CTTNBP2: variants seen among roughly 807,000 people sequenced by gnomAD.
CTTNBP2 encodes cortactin-binding protein 2.
Under a neutral mutation model 156.9 loss-of-function variants are expected in CTTNBP2, and 108 were observed. The ratio of observed to expected loss-of-function variants is 0.69; its 90% confidence interval spans 0.59 to 0.81. The LOEUF is 0.81. Among genes scored for constraint, CTTNBP2 ranks in the 30% least tolerant of loss-of-function variants. The pLI, the probability that CTTNBP2 is intolerant of heterozygous loss-of-function variation, is 0.00. For synonymous variants in CTTNBP2, 767 were observed against 751.8 expected (o/e 1.02, Z -0.33); for missense variants, 1,924 against 2,035.4 (o/e 0.95, Z 1.05).
At chr7:117,712,024 T>C (rs1196752866) in intron 22 of CTTNBP2, among the ~76,000 whole-genome samples, 2 of 152,190 alleles carry the variant, frequency 1.3e-5, no homozygotes, top group Admixed American at 6.5e-5. Context: ...GTGAATCAAG[T>C]GCTAAGGCGT....
intron 2 of CTTNBP2, among the ~76,000 whole-genome samples, chr7:117,840,062 T>C (rs1802181783): frequency 6.6e-6 from 1 of 152,198 alleles, no homozygotes. Context: ...TACATATACA[T>C]ACATGCACAC....
At chr7:117,872,762 G>T (rs971202830) in intron 1 of CTTNBP2, among the ~76,000 whole-genome samples, 4 of 152,104 alleles carry the variant, frequency 2.6e-5, no homozygotes, top group African/African-American at 4.8e-5. Context: ...TGGCCTCAGC[G>T]GCAGCAGCGC....
chr7:117,712,053 A>G (rs1215857557), intron 22 of CTTNBP2, among the ~76,000 whole-genome samples: 1 of 152,194 alleles, frequency 6.6e-6, no homozygotes, highest in Non-Finnish European at 1.5e-5. Context: ...TTACCAACAG[A>G]AACTTCACAA....
intron 1 of CTTNBP2, 40 bp from the exon 2 acceptor site, chr7:117,861,356 C>T (rs1350895745): frequency 7.1e-7 from 1 of 1,412,642 alleles, no homozygotes; most frequent in South Asian, 1.2e-5. Context: ...AAAATCTTTT[C>T]CTAAGGAAGA....
intron 16 of CTTNBP2, among the ~76,000 whole-genome samples, chr7:117,730,268 A>G (rs1375187220): frequency 6.6e-6 from 1 of 152,138 alleles, no homozygotes; most frequent in Non-Finnish European, 1.5e-5. Context: ...AAATCCTTCA[A>G]TGTGACCACA....
intron 22 of CTTNBP2, among the ~76,000 whole-genome samples, chr7:117,713,074 G>A (rs192856697): frequency 1.3e-5 from 2 of 152,266 alleles, no homozygotes; most frequent in East Asian, 3.9e-4. Flanking sequence ...GTGCAAGTGA[G>A]GGGTCTAGGT....
chr7:117,811,889 GTAAAA>G (rs1800312811), intron 2 of CTTNBP2, among the ~76,000 whole-genome samples: 1 of 124,270 alleles, frequency 8.0e-6, no homozygotes, highest in African/African-American at 3.6e-5. Context: ...AAATTTTAAT[GTAAAA>G]ATTTTAATTA....
At chr7:117,796,466 TCAGAGA>T (rs1290761649) in intron 3 of CTTNBP2, among the ~76,000 whole-genome samples, 24 of 152,292 alleles carry the variant, frequency 1.6e-4, no homozygotes, top group African/African-American at 4.6e-4. Flanking sequence ...CCATTTCAGC[TCAGAGA>T]CAAATTATGT....
At chr7:117,836,007 C>T (rs1801912426) in intron 2 of CTTNBP2, among the ~76,000 whole-genome samples, 1 of 152,128 alleles carries the variant, frequency 6.6e-6, no homozygotes, top group Non-Finnish European at 1.5e-5. Flanking sequence ...GGCCATGTTG[C>T]CTGACACAAG....
chr7:117,735,218 T>C, intron 15 of CTTNBP2, 51 bp downstream of exon 15: 1 of 1,597,504 alleles, frequency 6.3e-7, no homozygotes, highest in South Asian at 1.1e-5. Context: ...ACAGAAAGAT[T>C]AGAATATTAC....
rs911160575 is a variant in CTTNBP2, at chr7:117,826,994, G to T, written c.190-16005C>A. Among the ~76,000 whole-genome samples the T allele has an allele frequency of 3.3e-5, 5 of 151,886 alleles. No individual in the cohort carries two copies. The South Asian group carries it at 1.0e-3, about 32-fold the overall frequency. ...CTCCTGCCTCAGCCTCAGTAACTGG[G>T]ATTGCAGGAGCATGCCACTGCACCC... On this transcript the variant is annotated intron_variant, in intron 2 of 22. Transcript: ENST00000160373.
intron 2 of CTTNBP2, among the ~76,000 whole-genome samples, chr7:117,845,836 T>C (rs190275717): frequency 5.9e-5 from 9 of 152,234 alleles, no homozygotes; most frequent in Non-Finnish European, 1.2e-4. Flanking sequence ...GCTACCTGTG[T>C]GGTTTCTGTT....
intron 4 of CTTNBP2, among the ~76,000 whole-genome samples, chr7:117,788,853 A>T (rs1173342449): frequency 6.6e-6 from 1 of 152,226 alleles, no homozygotes; most frequent in Non-Finnish European, 1.5e-5. Context: ...AATGACATAG[A>T]AACTGGTTAT....
At chr7:117,805,232 A>G (rs1227127578) in intron 3 of CTTNBP2, among the ~76,000 whole-genome samples, 1 of 152,162 alleles carries the variant, frequency 6.6e-6, no homozygotes, top group Non-Finnish European at 1.5e-5. Flanking sequence ...TGTGTCTCTC[A>G]ATCTTAAATG....
At chr7:117,813,140 AC>A (rs1490043230) in intron 2 of CTTNBP2, among the ~76,000 whole-genome samples, 3 of 152,120 alleles carry the variant, frequency 2.0e-5, no homozygotes, top group Non-Finnish European at 4.4e-5. Context: ...AGCTTTACCA[AC>A]CCAGTGTGAA....
chr7:117,861,162 A>T, intron 2 of CTTNBP2, 47 bp downstream of exon 2: 1 of 1,215,878 alleles, frequency 8.2e-7, no homozygotes, highest in Non-Finnish European at 1.2e-6. Context: ...GCTCTTTGAA[A>T]AAAGCAAATG....
chr7:117,861,367 C>T (rs1207685186), intron 1 of CTTNBP2, 51 bp from the exon 2 acceptor site: 20 of 1,235,016 alleles, frequency 1.6e-5, no homozygotes, highest in Non-Finnish European at 2.2e-5. Flanking sequence ...CTAAGGAAGA[C>T]ACACACATCC....
At chr7:117,717,629 T>TAA (rs1794499280) in intron 22 of CTTNBP2, among the ~76,000 whole-genome samples, 1 of 152,058 alleles carries the variant, frequency 6.6e-6, no homozygotes, top group Admixed American at 6.6e-5. Flanking sequence ...AGTAGCCCTC[T>TAA]AGGTTATCGG....
At chr7:117,840,320 C>T (rs1584526519) in intron 2 of CTTNBP2, among the ~76,000 whole-genome samples, 1 of 151,886 alleles carries the variant, frequency 6.6e-6, no homozygotes, top group East Asian at 1.9e-4. Flanking sequence ...TGTGAGCATC[C>T]CTAGCATCAA....
Sources: allele counts gnomAD v4.1 joint callset (sites outside exome capture counted in the v4.1 genomes callset), GRCh38; gene constraint gnomAD v4.1.1; transcripts MANE v1.5; gene names NCBI Gene and HGNC (gene_info 2026-07-23, HGNC 2026-07-21).